GRIP1: variants seen among roughly 807,000 people sequenced by gnomAD.
GRIP1 encodes the protein glutamate receptor interacting protein 1, also known as glutamate receptor-interacting protein 1.
Under a neutral mutation model 129.9 loss-of-function variants are expected in GRIP1, and 45 were observed. The ratio of observed to expected loss-of-function variants is 0.35; its 90% CI spans 0.27 to 0.44. GRIP1 has a LOEUF of 0.44. Ranked by LOEUF, GRIP1 falls within the 20% of genes least tolerant of loss-of-function variation. The pLI is 1.00. For synonymous variants in GRIP1, 530 were observed against 520.8 expected, an observed-to-expected ratio of 1.02 and a Z score of -0.24; for missense variants, 1,196 against 1,396.8, an observed-to-expected ratio of 0.86 and a Z score of 2.29.
intron 1 of GRIP1, among the ~76,000 whole-genome samples, chr12:66,884,534 T>C (rs1210252711): frequency 6.6e-6 from 1 of 152,124 alleles, no homozygotes; most frequent in Admixed American, 6.5e-5. Context: ...CTTAAGATAT[T>C]ACTATTCAGC....
intron 11 of GRIP1, among the ~76,000 whole-genome samples, chr12:66,450,028 C>T (rs1204055226): frequency 1.3e-5 from 2 of 151,660 alleles, no homozygotes; most frequent in South Asian, 2.1e-4. Context: ...GAGCCGGGCG[C>T]GGTGGCTCAC....
chr12:66,496,336 C>A (rs1335475859), intron 7 of GRIP1, among the ~76,000 whole-genome samples: 1 of 152,148 alleles, frequency 6.6e-6, no homozygotes, highest in Non-Finnish European at 1.5e-5. Context: ...AAAAGACCCA[C>A]AGAACACCCA....
At chr12:66,968,634 A>G (rs1005384893) in intron 1 of GRIP1, among the ~76,000 whole-genome samples, 1 of 152,180 alleles carries the variant, frequency 6.6e-6, no homozygotes, top group Admixed American at 6.5e-5. Flanking sequence ...GATAACTTAA[A>G]GTATTTCCAA....
intron 1 of GRIP1, among the ~76,000 whole-genome samples, chr12:66,664,408 T>A (rs112211708): frequency 0.028 from 4,228 of 152,280 alleles, 95 homozygotes; most frequent in South Asian, 0.036. Context: ...AGATAAACAT[T>A]CATAGTATAT....
chr12:66,944,428 G>A lies in GRIP1; in HGVS notation c.58+124622C>T, dbSNP rs114813277. ...TATGGCTTGAAATTCAAGTTGATAGGATACTGATCCACCTTAGTTAGAGCA... is the reference window on the plus strand; with the variant it reads ...TATGGCTTGAAATTCAAGTTGATAGAATACTGATCCACCTTAGTTAGAGCA... On this transcript the variant is annotated intron_variant, in intron 1 of 1. Coordinates refer to the GRIP1 transcript ENST00000643019. Among the ~76,000 whole-genome samples, 328 of 151,914 alleles carry A rather than the reference G, an allele frequency of 2.2e-3. 2 individuals carry two copies. The highest frequency in any genetic ancestry group is 7.2e-3 in the African/African-American group (299 of 41,412).
chr12:66,360,327 C>T (rs1310584194), intron 23 of GRIP1, among the ~76,000 whole-genome samples: 1 of 152,156 alleles, frequency 6.6e-6, no homozygotes, highest in Non-Finnish European at 1.5e-5. Context: ...AGAACATCTG[C>T]ATAAAGTCCT....
intron 1 of GRIP1, among the ~76,000 whole-genome samples, chr12:67,029,574 G>A (rs1466643877): frequency 4.9e-5 from 3 of 61,646 alleles, no homozygotes. Flanking sequence ...GCAAGACCCT[G>A]ACTCAAAAAA....
intron 5 of GRIP1, among the ~76,000 whole-genome samples, chr12:66,528,169 C>A (rs2061327330): frequency 8.3e-6 from 1 of 121,108 alleles, no homozygotes. Context: ...GAGTCTGGCT[C>A]TATCACCCAG....
At chr12:66,498,062 A>C (rs2060284872) in intron 7 of GRIP1, among the ~76,000 whole-genome samples, 1 of 152,022 alleles carries the variant, frequency 6.6e-6, no homozygotes, top group Non-Finnish European at 1.5e-5. Context: ...ACCCTCTTTG[A>C]CTGTAATTTT....
At chr12:66,729,940 A>G (rs1051608322) in intron 1 of GRIP1, among the ~76,000 whole-genome samples, 3 of 152,332 alleles carry the variant, frequency 2.0e-5, no homozygotes, top group Admixed American at 1.3e-4. Flanking sequence ...ACTATAGCAT[A>G]TATCTTAAGG....
intron 1 of GRIP1, among the ~76,000 whole-genome samples, chr12:66,686,185 C>T (rs879492622): frequency 3.4e-4 from 52 of 152,290 alleles, no homozygotes; most frequent in Non-Finnish European, 6.0e-4. Context: ...GCCCACCTTT[C>T]CAGAGCACAC....
chr12:66,852,824 A>G (rs976496559), intron 1 of GRIP1, among the ~76,000 whole-genome samples: 5 of 152,000 alleles, frequency 3.3e-5, no homozygotes, highest in African/African-American at 1.2e-4. Context: ...ATATAAAATG[A>G]TTCCATTTAT....
chr12:67,037,414 A>G (rs1337813022), intron 1 of GRIP1: 1 of 151,170 alleles, frequency 6.6e-6, no homozygotes, highest in Non-Finnish European at 1.5e-5. Context: ...GAGAATCAGA[A>G]GCCAATTCTT....
intron 1 of GRIP1, among the ~76,000 whole-genome samples, chr12:66,894,338 C>G (rs1033735168): frequency 6.6e-6 from 1 of 152,276 alleles, no homozygotes; most frequent in African/African-American, 2.4e-5. Flanking sequence ...GCGTCTACCC[C>G]CTACCAAGCC....
At chr12:66,457,590 A>ATGATTTTGG (rs1383453139) in intron 9 of GRIP1, among the ~76,000 whole-genome samples, 1 of 152,170 alleles carries the variant, frequency 6.6e-6, no homozygotes, top group African/African-American at 2.4e-5. Context: ...TTCTACTTTC[A>ATGATTTTGG]TGATTTTGGT....
At chr12:67,006,691 A>G (rs1232938281) in intron 1 of GRIP1, among the ~76,000 whole-genome samples, 1 of 152,268 alleles carries the variant, frequency 6.6e-6, no homozygotes, top group Non-Finnish European at 1.5e-5. Context: ...ACCTAAGGAC[A>G]GAAGGGAGCA....
chr12:66,637,710 C>T (rs1354902899), intron 1 of GRIP1, among the ~76,000 whole-genome samples: 1 of 152,128 alleles, frequency 6.6e-6, no homozygotes, highest in Non-Finnish European at 1.5e-5. Context: ...GAATCCTCTA[C>T]TGATCTCCCA....
intron 2 of GRIP1, among the ~76,000 whole-genome samples, chr12:66,577,544 T>C (rs1436283273): frequency 2.6e-5 from 4 of 152,206 alleles, no homozygotes; most frequent in Non-Finnish European, 4.4e-5. Context: ...TTTATAATAT[T>C]GATGAGATCC....
chr12:66,576,537 C>T (rs941617193), intron 2 of GRIP1, among the ~76,000 whole-genome samples: 1 of 152,166 alleles, frequency 6.6e-6, no homozygotes. Context: ...AGAAGACAGC[C>T]TTTGAATTAA....
Sources: gnomAD v4.1 joint callset for allele counts (sites outside exome capture counted in the v4.1 genomes callset) on GRCh38, gnomAD v4.1.1 for gene constraint, MANE v1.5 for transcripts, NCBI Gene and HGNC (gene_info 2026-07-23, HGNC 2026-07-21) for gene names.